Variants in NXPE1 observed in about 807,000 individuals in gnomAD.
NXPE1 encodes neurexophilin and PC-esterase domain family member 1.
NXPE1 carries 31 observed loss-of-function variants against 33.3 expected under a neutral mutation model. The ratio of observed to expected loss-of-function variants is 0.93; its 90% CI spans 0.70 to 1.26. The LOEUF is 1.26. Among genes scored for constraint, NXPE1 ranks in the 50% most tolerant of loss-of-function variants. The pLI is 0.00. For synonymous variants in NXPE1, 229 were observed against 231.4 expected (o/e 0.99, Z 0.09); for missense variants, 661 against 655.6 (o/e 1.01, Z -0.09).
At chr11:114,541,366 A>G (rs1397127790) in intron 5 of NXPE1, among the ~76,000 whole-genome samples, 3 of 152,216 alleles carry the variant, frequency 2.0e-5, no homozygotes, top group African/African-American at 4.8e-5. Context: ...ACTATGCTCA[A>G]TGAGGTAAAA....
chr11:114,543,519 TA>T (rs35370315), intron 5 of NXPE1, among the ~76,000 whole-genome samples: 86,430 of 146,874 alleles, frequency 0.59, 26,315 homozygotes, highest in African/African-American at 0.79. Context: ...AGACCCTGTT[TA>T]AAAAAAAAAA....
intron 5 of NXPE1, 66 bp from the exon 6 acceptor site, chr11:114,530,974 G>A: frequency 2.1e-6 from 3 of 1,422,906 alleles, no homozygotes; most frequent in Non-Finnish European, 2.8e-6. Context: ...CTTATTATGA[G>A]TTTGAATATT....
At chr11:114,526,370 T>C (rs1485939548) in intron 7 of NXPE1, 1 of 152,224 alleles carries the variant, frequency 6.6e-6, no homozygotes, top group Non-Finnish European at 1.5e-5. Flanking sequence ...TATAAAATCA[T>C]CCCATCTAGA....
At chr11:114,533,764 G>C (rs1189575459) in intron 5 of NXPE1, among the ~76,000 whole-genome samples, 2 of 152,232 alleles carry the variant, frequency 1.3e-5, no homozygotes, top group African/African-American at 4.8e-5. Flanking sequence ...GCTCAGGCTT[G>C]AGTAGGTAAA....
At chr11:114,554,259 T>C (rs1299666941) in intron 1 of NXPE1, 1 of 971,656 alleles carries the variant, frequency 1.0e-6, no homozygotes, top group Non-Finnish European at 1.2e-6. Flanking sequence ...TGTATTTGAC[T>C]GTGGCCAGGA....
intron 7 of NXPE1, chr11:114,526,792 A>G (rs1947382691): frequency 6.6e-6 from 1 of 152,336 alleles, no homozygotes; most frequent in African/African-American, 2.4e-5. Context: ...TTTTAGTGTA[A>G]GTATGGTCCA....
chr11:114,553,989 C>T, intron 1 of NXPE1: 2 of 985,428 alleles, frequency 2.0e-6, no homozygotes, highest in South Asian at 4.7e-5. Context: ...TCAAAGTCAA[C>T]TTGTCCAATT....
chr11:114,550,153 TA>T (rs1948424063), intron 5 of NXPE1, among the ~76,000 whole-genome samples: 1 of 152,154 alleles, frequency 6.6e-6, no homozygotes, highest in Admixed American at 6.6e-5. Flanking sequence ...GGTTAACTTA[TA>T]CATTTAATAA....
chr11:114,539,890 A>G (rs1948020657), intron 5 of NXPE1, among the ~76,000 whole-genome samples: 1 of 152,202 alleles, frequency 6.6e-6, no homozygotes, highest in Non-Finnish European at 1.5e-5. Context: ...AAATGGTTTC[A>G]CTATATTGAA....
chr11:114,535,389 C>T (rs1947772286), intron 5 of NXPE1, among the ~76,000 whole-genome samples: 1 of 152,124 alleles, frequency 6.6e-6, no homozygotes, highest in Non-Finnish European at 1.5e-5. Context: ...AGCAAAATAA[C>T]CAGCTAACAT....
intron 5 of NXPE1, among the ~76,000 whole-genome samples, chr11:114,538,462 C>G (rs568842814): frequency 1.2e-4 from 18 of 152,188 alleles, no homozygotes; most frequent in Admixed American, 7.2e-4. Context: ...TTCTGCACAG[C>G]AAAAGAAACC....
chr11:114,522,164 A>C, exon 9 of NXPE1: 1 of 1,614,058 alleles, frequency 6.2e-7, no homozygotes, highest in Non-Finnish European at 8.5e-7. Context: ...CTCTATGTGC[A>C]TCTCCCTGAT....
At chr11:114,551,015 C>T (rs1425495726) in intron 5 of NXPE1, 88 bp downstream of exon 5, 1 of 682,480 alleles carries the variant, frequency 1.5e-6, no homozygotes, top group Non-Finnish European at 2.6e-6. Context: ...GGAGGAGGGG[C>T]AGGACTAATG....
intron 1 of NXPE1, among the ~76,000 whole-genome samples, chr11:114,558,543 G>C (rs781525563): frequency 6.6e-6 from 1 of 152,100 alleles, no homozygotes; most frequent in Non-Finnish European, 1.5e-5. Flanking sequence ...AATGGAAGTT[G>C]AGTTATTGAC....
At chr11:114,554,249 T>C in intron 1 of NXPE1, 1 of 971,182 alleles carries the variant, frequency 1.0e-6, no homozygotes, top group South Asian at 4.8e-5. Context: ...TGGCCTCTAT[T>C]GTATTTGACT....
At chr11:114,538,025 A>G (rs1275069059) in intron 5 of NXPE1, among the ~76,000 whole-genome samples, 1 of 152,220 alleles carries the variant, frequency 6.6e-6, no homozygotes, top group Non-Finnish European at 1.5e-5. Flanking sequence ...CTGACTTCAA[A>G]CTATACTACA....
rs1329307339 is a variant in NXPE1 at position 114,530,554 on chromosome 11, C to T, written c.454G>A (p.Ala152Thr). The T allele has an allele frequency of 1.2e-6, 2 of 1,613,890 alleles. No individual in the cohort carries two copies. The highest frequency in any genetic ancestry group is 1.3e-5 in the African/African-American group (1 of 74,924). The change falls in exon 6 of 9, where the codon GCT (alanine) becomes ACT (threonine). Residue 152 changes from alanine to threonine, a missense_variant. Ala to Thr is a moderately conservative substitution (Grantham distance 58, BLOSUM62 0). Coordinates refer to ENST00000534921, the Ensembl canonical transcript of NXPE1. ...TTGAAGTCCATCACCTTTCCTGAAG[C>T]ACCTGCCGTCAGTGCTGGGGAGGAC...
intron 5 of NXPE1, among the ~76,000 whole-genome samples, chr11:114,540,572 T>G (rs558673068): frequency 1.6e-3 from 246 of 152,014 alleles, no homozygotes; most frequent in Middle Eastern, 0.014. Flanking sequence ...GGGAAATAAT[T>G]TTTTTTTAAG....
intron 1 of NXPE1, among the ~76,000 whole-genome samples, chr11:114,555,323 A>G (rs1948623115): frequency 6.6e-6 from 1 of 152,098 alleles, no homozygotes; most frequent in African/African-American, 2.4e-5. Context: ...TCCCGGGTTC[A>G]AGTGATTCCC....
Sources: gnomAD v4.1 joint callset for allele counts (sites outside exome capture counted in the v4.1 genomes callset) on GRCh38, gnomAD v4.1.1 for gene constraint, MANE v1.5 for transcripts, NCBI Gene and HGNC (gene_info 2026-07-23, HGNC 2026-07-21) for gene names.